FHIT: variants seen among roughly 807,000 people sequenced by gnomAD.
FHIT encodes bis(5'-adenosyl)-triphosphatase.
A neutral mutation model predicts 17.9 loss-of-function variants in FHIT; 19 were observed. The ratio of observed to expected loss-of-function variants is 1.06; its 90% CI spans 0.74 to 1.56. FHIT has a LOEUF of 1.56. Ranked by LOEUF, FHIT falls within the 40% of genes most tolerant of loss-of-function variation. FHIT has a pLI of 0.00. For synonymous variants in FHIT, 81 were observed against 69.7 expected, an observed-to-expected ratio of 1.16 and a Z score of -0.81; for missense variants, 248 against 189.2, an observed-to-expected ratio of 1.31 and a Z score of -1.82.
intron 5 of FHIT, among the ~76,000 whole-genome samples, chr3:60,035,997 C>T (rs1372396365): frequency 6.6e-6 from 1 of 152,176 alleles, no homozygotes; most frequent in Non-Finnish European, 1.5e-5. Context: ...GATATCCAGG[C>T]TAAGAGAGCA....
rs111326296 is a variant in FHIT at position 60,557,403 on chromosome 3, CA to C, written c.-17-20425del. Among the ~76,000 whole-genome samples, 1,161 of 139,602 alleles carry C rather than the reference CA, an allele frequency of 8.3e-3. 14 individuals carry two copies. The highest frequency in any genetic ancestry group is 0.024 in the African/African-American group (924 of 38,174). The allele number at this position is 139,602 out of a possible 152,430, so 91.6% of individuals were successfully genotyped here. On this transcript the variant is annotated intron_variant, in intron 4 of 9. Coordinates refer to ENST00000492590, the MANE Select transcript of FHIT (RefSeq NM_002012.4). The stretch of plus-strand genomic sequence containing the variant: ...TGAGCGGAGGAGGTGACAGGAAGAA[CA>C]AAAAAAAAAATAGACATGATGTCAA...
intron 2 of FHIT, among the ~76,000 whole-genome samples, chr3:61,079,577 A>G (rs11130817): frequency 0.17 from 25,872 of 152,194 alleles, 2,341 homozygotes; most frequent in East Asian, 0.33. Context: ...CCTATTTATT[A>G]CAAGTATATA....
At chr3:60,682,643 C>T (rs1350553298) in intron 4 of FHIT, among the ~76,000 whole-genome samples, 1 of 152,160 alleles carries the variant, frequency 6.6e-6, no homozygotes, top group South Asian at 2.1e-4. Context: ...TGAAAATGTA[C>T]CTGGTCACCC....
chr3:60,374,424 A>G (rs1700459528), intron 5 of FHIT, among the ~76,000 whole-genome samples: 1 of 151,972 alleles, frequency 6.6e-6, no homozygotes, highest in Non-Finnish European at 1.5e-5. Flanking sequence ...TCTACTCTGC[A>G]TCATTAAACA....
At position 61,066,283 on chromosome 3, in the gene FHIT, G is replaced by A. The variant is rs545103350; in HGVS notation, c.-163-24184C>T. ...ATTAAGTTTCCAAAACATAAACTCTGGGGGACACATTCAAAACACAGCATT... is the reference window on the plus strand; with the variant it reads ...ATTAAGTTTCCAAAACATAAACTCTAGGGGACACATTCAAAACACAGCATT... On this transcript the variant is annotated intron_variant, in intron 2 of 9. Coordinates refer to ENST00000492590, the MANE Select transcript of FHIT (RefSeq NM_002012.4). Among the ~76,000 whole-genome samples the A allele has an allele frequency of 3.3e-5, 5 of 152,216 alleles. No homozygotes were observed. The South Asian group carries it at 8.3e-4, about 25-fold the overall frequency.
chr3:60,020,028 G>A (rs1398587162), intron 5 of FHIT, among the ~76,000 whole-genome samples: 1 of 152,110 alleles, frequency 6.6e-6, no homozygotes, highest in Non-Finnish European at 1.5e-5. Context: ...AGTGAGAATG[G>A]GCACGCGACA....
rs138737010 is a variant in FHIT at position 60,487,473 on chromosome 3, T to G, written c.103+49387A>C. 4.2e-3 allele frequency among the ~76,000 whole-genome samples: 639 copies of G among 152,340 alleles called. 5 individuals are homozygous for G. The highest frequency in any genetic ancestry group is 0.015 in the African/African-American group (610 of 41,582). On this transcript the variant is annotated intron_variant, in intron 5 of 9. Coordinates refer to ENST00000492590, the MANE Select transcript of FHIT (RefSeq NM_002012.4). ...CAACAATTGAGAGACTTCTACATTC[T>G]GCTCTACGACACCTGGAAGGCTCAT...
chr3:60,901,928 TTTTTGTTTTG>T (rs1189708494), intron 3 of FHIT, among the ~76,000 whole-genome samples: 1 of 152,198 alleles, frequency 6.6e-6, no homozygotes, highest in East Asian at 1.9e-4. Flanking sequence ...GCGTTGGGGA[TTTTTGTTTTG>T]TTTTGTTTTT....
At chr3:60,936,027 C>T (rs1265151102) in intron 3 of FHIT, among the ~76,000 whole-genome samples, 1 of 152,102 alleles carries the variant, frequency 6.6e-6, no homozygotes, top group Non-Finnish European at 1.5e-5. Flanking sequence ...TCTGTTGTGG[C>T]CCTTGTAGGT....
chr3:60,596,884 T>C (rs375410777), intron 4 of FHIT, among the ~76,000 whole-genome samples: 3 of 152,178 alleles, frequency 2.0e-5, no homozygotes, highest in African/African-American at 7.2e-5. Flanking sequence ...GATGTTAGTA[T>C]TGTCCCCCTG....
chr3:60,891,250 C>T (rs914699257), intron 3 of FHIT, among the ~76,000 whole-genome samples: 1 of 152,134 alleles, frequency 6.6e-6, no homozygotes, highest in Non-Finnish European at 1.5e-5. Context: ...CTTTTACCAG[C>T]AACCCAATTT....
chr3:60,819,059 G>C (rs1297910464), intron 4 of FHIT, among the ~76,000 whole-genome samples: 1 of 112,006 alleles, frequency 8.9e-6, no homozygotes, highest in Non-Finnish European at 1.9e-5. Flanking sequence ...TTTTGTTTTT[G>C]GTCTTTTGGT....
intron 3 of FHIT, among the ~76,000 whole-genome samples, chr3:61,030,128 C>A (rs1214311367): frequency 1.3e-5 from 2 of 152,162 alleles, no homozygotes; most frequent in South Asian, 2.1e-4. Context: ...TACCACCACG[C>A]CTGGCTAATT....
chr3:60,923,390 C>G (rs142625929), intron 3 of FHIT, among the ~76,000 whole-genome samples: 1 of 152,280 alleles, frequency 6.6e-6, no homozygotes, highest in East Asian at 1.9e-4. Context: ...GAAGAAAACA[C>G]TATTCATTCA....
intron 5 of FHIT, among the ~76,000 whole-genome samples, chr3:60,493,930 G>T (rs972783579): frequency 2.6e-4 from 39 of 152,038 alleles, no homozygotes; most frequent in African/African-American, 8.4e-4. Context: ...TTTTGGTTAA[G>T]ACTTTGCATT....
chr3:61,201,015 T>G (rs542494524), intron 1 of FHIT, among the ~76,000 whole-genome samples: 1 of 152,348 alleles, frequency 6.6e-6, no homozygotes, highest in East Asian at 1.9e-4. Flanking sequence ...AAGCATTTTA[T>G]TTTCTTATTT....
intron 3 of FHIT, among the ~76,000 whole-genome samples, chr3:60,971,152 G>A (rs1352367527): frequency 2.6e-5 from 4 of 152,142 alleles, no homozygotes; most frequent in Non-Finnish European, 5.9e-5. Context: ...TGGATCACTT[G>A]AGGTCAGGAG....
chr3:61,150,602 GA>G (rs2037359856), intron 2 of FHIT, among the ~76,000 whole-genome samples: 1 of 151,776 alleles, frequency 6.6e-6, no homozygotes, highest in South Asian at 2.1e-4. Flanking sequence ...CTTAGGTAAA[GA>G]AAAAAAATAT....
At chr3:60,701,987 T>G (rs1314822531) in intron 4 of FHIT, among the ~76,000 whole-genome samples, 2 of 152,174 alleles carry the variant, frequency 1.3e-5, no homozygotes, top group South Asian at 2.1e-4. Flanking sequence ...TTTTCTCAGT[T>G]ATAATTTTTG....
Sources: gnomAD v4.1 joint callset for allele counts (sites outside exome capture counted in the v4.1 genomes callset) on GRCh38, gnomAD v4.1.1 for gene constraint, MANE v1.5 for transcripts, NCBI Gene and HGNC (gene_info 2026-07-23, HGNC 2026-07-21) for gene names.